FRMD3: variants seen among roughly 807,000 people sequenced by gnomAD.
The protein encoded by FRMD3 is FERM domain-containing protein 3.
FRMD3 carries 33 observed loss-of-function variants against 70.2 expected under a neutral mutation model. The ratio of observed to expected loss-of-function variants is 0.47; its 90% CI spans 0.36 to 0.63. The LOEUF is 0.63. Ranked by LOEUF, FRMD3 falls within the 20% of genes least tolerant of loss-of-function variation. The pLI is 0.00. For missense variants in FRMD3, 632 were observed against 711.4 expected (o/e 0.89, Z 1.27); for synonymous variants, 279 against 255.9 (o/e 1.09, Z -0.86).
At chr9:83,557,648 A>G in the FRMD3 span, among the ~76,000 whole-genome samples, 2 of 152,250 alleles carry the variant, frequency 1.3e-5, no homozygotes, top group Non-Finnish European at 2.9e-5. Flanking sequence ...AATTTAGAGT[A>G]CTAATTAGAA....
the FRMD3 span, among the ~76,000 whole-genome samples, chr9:83,566,827 G>C: frequency 2.0e-5 from 3 of 152,162 alleles, no homozygotes; most frequent in Admixed American, 6.5e-5. Context: ...GGCTTTGCAG[G>C]GTACAGCCTC....
chr9:83,344,338 C>T (rs1043003971), intron 4 of FRMD3, among the ~76,000 whole-genome samples: 15 of 133,014 alleles, frequency 1.1e-4, no homozygotes, highest in African/African-American at 4.4e-4. Context: ...CTCAATCAGT[C>T]CCAGTTATCA....
intron 1 of FRMD3, among the ~76,000 whole-genome samples, chr9:83,401,716 T>C (rs1825955474): frequency 6.6e-6 from 1 of 152,228 alleles, no homozygotes; most frequent in Admixed American, 6.5e-5. Flanking sequence ...GAAAGGAATG[T>C]GGTGAGTCCC....
At chr9:83,454,350 C>CCATA (rs1827755955) in intron 1 of FRMD3, among the ~76,000 whole-genome samples, 2 of 152,166 alleles carry the variant, frequency 1.3e-5, no homozygotes, top group African/African-American at 4.8e-5. Flanking sequence ...CCAATCACTC[C>CCATA]CATACAACCT....
intron 5 of FRMD3, 52 bp from the exon 6 acceptor site, chr9:83,335,691 T>C: frequency 6.4e-7 from 1 of 1,558,836 alleles, no homozygotes; most frequent in Non-Finnish European, 8.7e-7. Context: ...AACAATAACA[T>C]GAGCAGGGTG....
chr9:83,348,242 T>G (rs1824028151), intron 4 of FRMD3, among the ~76,000 whole-genome samples: 1 of 152,296 alleles, frequency 6.6e-6, no homozygotes, highest in South Asian at 2.1e-4. Flanking sequence ...CTCCTCTCTC[T>G]CTCTCTTCTC....
At position 83,248,381 on chromosome 9, in the gene FRMD3, T is replaced by A. The variant is rs2118499906; in HGVS notation, c.1331A>T (p.Glu444Val). The change falls in exon 14 of 14, where the codon GAA becomes GTA. Residue 444 changes from glutamate (E) to valine (V), a missense_variant. By Grantham distance (121) the Glu-to-Val change is moderately radical. Around this residue, in one of 3 missense-constraint regions of FRMD3, gnomAD observed 418 missense variants for 442.1 expected, o/e 0.95. Coordinates refer to ENST00000304195, the MANE Select transcript of FRMD3 (RefSeq NM_174938.6). ...KIKEEPLTIS[E>V]LVYNPSASLL... The stretch of plus-strand genomic sequence containing the variant: ...GCTGGCACTTGGGTTGTACACTAGT[T>A]CAGAGATGGTTAAAGGTTCTTCTTT... 2.5e-6 allele frequency: 4 copies of A among 1,614,138 alleles called. No homozygotes were observed. The East Asian group carries it at 8.9e-5, about 36-fold the overall frequency.
chr9:83,277,530 A>C (rs2118873340), intron 13 of FRMD3, among the ~76,000 whole-genome samples: 1 of 152,214 alleles, frequency 6.6e-6, no homozygotes, highest in East Asian at 1.9e-4. Context: ...ACCCTTGGCA[A>C]TTTTATTTTT....
At chr9:83,340,242 C>T (rs1489834249) in intron 5 of FRMD3, among the ~76,000 whole-genome samples, 1 of 152,132 alleles carries the variant, frequency 6.6e-6, no homozygotes, top group African/African-American at 2.4e-5. Context: ...CAGGCAAGTG[C>T]CCTGATTCAT....
chr9:83,300,238 C>T (rs987259587), intron 10 of FRMD3, among the ~76,000 whole-genome samples: 4 of 152,184 alleles, frequency 2.6e-5, no homozygotes, highest in African/African-American at 9.7e-5. Flanking sequence ...ACAAGAAAGA[C>T]ACATGGCTGA....
At chr9:83,494,855 G>T (rs1712776237) in intron 1 of FRMD3, among the ~76,000 whole-genome samples, 1 of 147,736 alleles carries the variant, frequency 6.8e-6, no homozygotes. Flanking sequence ...GTGTGTGTGT[G>T]TGTGCGCGCG....
At chr9:83,565,543 C>A in the FRMD3 span, among the ~76,000 whole-genome samples, 1 of 152,122 alleles carries the variant, frequency 6.6e-6, no homozygotes, top group Admixed American at 6.5e-5. Context: ...TCAGATGGAC[C>A]CAGTCACCCA....
intron 13 of FRMD3, among the ~76,000 whole-genome samples, chr9:83,250,971 G>T (rs1832385117): frequency 6.6e-6 from 1 of 152,218 alleles, no homozygotes; most frequent in South Asian, 2.1e-4. Context: ...AATGAGAAAG[G>T]ATCCTGGCCA....
At chr9:83,363,942 T>A (rs7856526) in intron 3 of FRMD3, among the ~76,000 whole-genome samples, 14 of 152,080 alleles carry the variant, frequency 9.2e-5, no homozygotes, top group Non-Finnish European at 1.5e-5. Flanking sequence ...CCAGAAGTGT[T>A]ATCCTCATCC....
intron 3 of FRMD3, among the ~76,000 whole-genome samples, chr9:83,369,823 G>T (rs1025028166): frequency 6.6e-6 from 1 of 152,098 alleles, no homozygotes; most frequent in Non-Finnish European, 1.5e-5. Flanking sequence ...TTCTTGGAAG[G>T]ATATACAAAA....
chr9:83,372,161 G>A (rs191188483), intron 3 of FRMD3, among the ~76,000 whole-genome samples: 54 of 152,224 alleles, frequency 3.5e-4, no homozygotes, highest in Admixed American at 1.7e-3. Context: ...TTTCTGAGGT[G>A]CATTTCAGAA....
At chr9:83,364,089 C>T (rs1285957379) in intron 3 of FRMD3, among the ~76,000 whole-genome samples, 1 of 152,056 alleles carries the variant, frequency 6.6e-6, no homozygotes, top group African/African-American at 2.4e-5. Flanking sequence ...TATTTTTATT[C>T]CTTCTCTGAG....
At chr9:83,469,284 A>C (rs1828208816) in intron 1 of FRMD3, among the ~76,000 whole-genome samples, 1 of 152,214 alleles carries the variant, frequency 6.6e-6, no homozygotes, top group South Asian at 2.1e-4. Context: ...AGGGTCTGCT[A>C]TTCAGGTCAC....
chr9:83,508,471 T>C (rs1025188271), intron 1 of FRMD3, among the ~76,000 whole-genome samples: 1 of 152,244 alleles, frequency 6.6e-6, no homozygotes, highest in African/African-American at 2.4e-5. Context: ...CTTTTGACTA[T>C]TGTTAACAAA....
Sources: gnomAD v4.1 joint callset for allele counts (sites outside exome capture counted in the v4.1 genomes callset) on GRCh38, gnomAD v4.1.1 for gene constraint, gnomAD v4.1.1 regional missense constraint, MANE v1.5 for transcripts, NCBI Gene and HGNC (gene_info 2026-07-23, HGNC 2026-07-21) for gene names.